Variants in FSTL5 observed in about 807,000 individuals in gnomAD.
FSTL5 encodes the protein follistatin-related protein 5.
Under a neutral mutation model 89.1 loss-of-function variants are expected in FSTL5, and 62 were observed. The observed-to-expected ratio is 0.70, with a 90% CI of 0.57 to 0.86. FSTL5 has a LOEUF of 0.86. Ranked by LOEUF, FSTL5 falls within the 40% of genes least tolerant of loss-of-function variation. The pLI is 0.00. For synonymous variants in FSTL5, 383 were observed against 346.2 expected, an observed-to-expected ratio of 1.11 and a Z score of -1.18; for missense variants, 1,057 against 1,001.6, an observed-to-expected ratio of 1.06 and a Z score of -0.75.
At chr4:162,025,751 AT>A (rs1737255582) in intron 3 of FSTL5, among the ~76,000 whole-genome samples, 1 of 151,988 alleles carries the variant, frequency 6.6e-6, no homozygotes, top group Admixed American at 6.6e-5. Flanking sequence ...GATATTATTT[AT>A]TTTTTGGCAT....
rs549604608 is a variant in FSTL5, at chr4:161,434,612, CA to C, written c.1841+20391del. 3.6e-3 allele frequency among the ~76,000 whole-genome samples: 541 copies of C among 151,918 alleles called. 4 individuals are homozygous for C. The highest frequency in any genetic ancestry group is 0.013 in the African/African-American group (521 of 41,432). On this transcript the variant is annotated intron_variant, in intron 15 of 15. Transcript: ENST00000306100. ...AAAAGCTTCTGCACAGCAAAGGAAA[CA>C]ATCAACAAAGTGAAGAGACAATGTA...
intron 4 of FSTL5, among the ~76,000 whole-genome samples, chr4:161,914,679 A>T (rs2110842131): frequency 6.6e-6 from 1 of 152,294 alleles, no homozygotes; most frequent in East Asian, 1.9e-4. Flanking sequence ...CAATTAGCCT[A>T]TTATAATCTT....
chr4:161,474,731 G>C (rs1209423238), intron 13 of FSTL5, among the ~76,000 whole-genome samples: 1 of 151,974 alleles, frequency 6.6e-6, no homozygotes, highest in Admixed American at 6.5e-5. Flanking sequence ...ATTTTTGGTA[G>C]AGATGGGGTT....
intron 4 of FSTL5, among the ~76,000 whole-genome samples, chr4:161,854,521 A>AT (rs1731660310): frequency 6.6e-6 from 1 of 152,190 alleles, no homozygotes. Flanking sequence ...AAGATGCGTT[A>AT]TTACATACTG....
At chr4:161,882,162 T>C (rs928532928) in intron 4 of FSTL5, among the ~76,000 whole-genome samples, 3 of 152,122 alleles carry the variant, frequency 2.0e-5, no homozygotes, top group Non-Finnish European at 4.4e-5. Flanking sequence ...TCTTTTTTAT[T>C]TCCTCTTTCC....
intron 8 of FSTL5, among the ~76,000 whole-genome samples, chr4:161,573,343 G>A (rs1307637658): frequency 4.0e-5 from 6 of 149,908 alleles, no homozygotes; most frequent in African/African-American, 1.5e-4. Context: ...CCAGAAAGTG[G>A]AGCTTGCAGT....
At chr4:161,714,614 T>C (rs746873618) in intron 6 of FSTL5, among the ~76,000 whole-genome samples, 8 of 152,334 alleles carry the variant, frequency 5.3e-5, no homozygotes, top group Non-Finnish European at 8.8e-5. Flanking sequence ...AGTCTGACAC[T>C]GTCATCTGCT....
At chr4:161,961,520 GA>G (rs1487780746) in intron 3 of FSTL5, among the ~76,000 whole-genome samples, 1 of 10,794 alleles carries the variant, frequency 9.3e-5, no homozygotes, top group Admixed American at 1.8e-3. Context: ...CATTACTCTA[GA>G]AAAATATATA....
At chr4:161,573,753 AAAAAG>A (rs1366333729) in intron 8 of FSTL5, among the ~76,000 whole-genome samples, 1 of 131,470 alleles carries the variant, frequency 7.6e-6, no homozygotes, top group Non-Finnish European at 1.6e-5. Context: ...AAAAAAAAAA[AAAAAG>A]AAAAGAAAAT....
chr4:162,116,231 G>A (rs1486058984), intron 1 of FSTL5, among the ~76,000 whole-genome samples: 2 of 152,170 alleles, frequency 1.3e-5, no homozygotes, highest in Non-Finnish European at 2.9e-5. Context: ...TGCTCAAAGG[G>A]TGAGGCTGCA....
chr4:161,428,893 G>A (rs1369687588), intron 15 of FSTL5, among the ~76,000 whole-genome samples: 1 of 151,996 alleles, frequency 6.6e-6, no homozygotes, highest in Non-Finnish European at 1.5e-5. Context: ...GACCAGCTCC[G>A]CCACAGTGGA....
chr4:161,779,818 T>C (rs1274605766), intron 4 of FSTL5, among the ~76,000 whole-genome samples: 3 of 69,804 alleles, frequency 4.3e-5, no homozygotes, highest in African/African-American at 2.9e-4. Context: ...TATGTATATA[T>C]ATATATATAT....
At chr4:161,404,834 A>G (rs1731309073) in intron 15 of FSTL5, among the ~76,000 whole-genome samples, 1 of 152,132 alleles carries the variant, frequency 6.6e-6, no homozygotes, top group Non-Finnish European at 1.5e-5. Flanking sequence ...AAAAAAAACT[A>G]GGAAAGTCGG....
chr4:161,647,749 G>T lies in FSTL5; in HGVS notation c.894+8579C>A, dbSNP rs112816777. Among the ~76,000 whole-genome samples, 913 of 152,208 alleles carry T rather than the reference G, an allele frequency of 6.0e-3. 9 individuals carry two copies. Among genetic ancestry groups the T allele is most frequent in the South Asian group, 0.046 (220 of 4,826 alleles). ...GAAGGGAAGCGCTGGGTAGAAGAGG[G>T]TATGGTCCGTGGCTAGGGCTCCACT... On this transcript the variant is annotated intron_variant, in intron 7 of 15. Transcript: ENST00000306100.
intron 7 of FSTL5, among the ~76,000 whole-genome samples, chr4:161,645,568 T>C (rs1396782216): frequency 3.9e-5 from 6 of 152,314 alleles, no homozygotes; most frequent in Middle Eastern, 3.4e-3. Context: ...GAAAGAATAT[T>C]CATTTTAAAA....
At chr4:162,110,175 T>C (rs1289597204) in intron 2 of FSTL5, among the ~76,000 whole-genome samples, 1 of 152,092 alleles carries the variant, frequency 6.6e-6, no homozygotes, top group Non-Finnish European at 1.5e-5. Flanking sequence ...ATCGAATCTA[T>C]CCTTCATATT....
chr4:161,989,581 G>A (rs1280774179), intron 3 of FSTL5, among the ~76,000 whole-genome samples: 1 of 152,012 alleles, frequency 6.6e-6, no homozygotes, highest in East Asian at 1.9e-4. Flanking sequence ...AAACAAATGC[G>A]ACTTTATTGA....
rs991728603 is a variant in FSTL5 at position 161,874,758 on chromosome 4, A to G, written c.409+45646T>C. On this transcript the variant is annotated intron_variant, in intron 4 of 15. Coordinates refer to ENST00000306100, the MANE Select transcript of FSTL5 (RefSeq NM_020116.5). ...ACTTTTTTGTAATATTAATTATAGT[A>G]TGCATCCCATAAATCATGTAAACAA... 3.3e-5 allele frequency among the ~76,000 whole-genome samples: 5 copies of G among 152,206 alleles called. No individual in the cohort carries two copies. The South Asian group carries it at 1.0e-3, about 32-fold the overall frequency.
chr4:161,697,253 C>G (rs1738202739), intron 6 of FSTL5, among the ~76,000 whole-genome samples: 1 of 152,114 alleles, frequency 6.6e-6, no homozygotes, highest in Non-Finnish European at 1.5e-5. Flanking sequence ...CAAAATTTAC[C>G]AGACTTTTTT....
Sources: allele counts gnomAD v4.1 joint callset (sites outside exome capture counted in the v4.1 genomes callset), GRCh38; gene constraint gnomAD v4.1.1; transcripts MANE v1.5; gene names NCBI Gene and HGNC (gene_info 2026-07-23, HGNC 2026-07-21).